The following COL4A2 variants were observed in gnomAD, a reference collection of about 807,000 sequenced individuals.
COL4A2 encodes the protein collagen type IV alpha 2 chain.
Under a neutral mutation model 200.2 loss-of-function variants are expected in COL4A2, and 99 were observed. The observed-to-expected ratio is 0.49, with a 90% CI of 0.42 to 0.58. The LOEUF is 0.58. Among genes scored for constraint, COL4A2 ranks in the 20% least tolerant of loss-of-function variants. The pLI is 0.00. For synonymous variants in COL4A2, 897 were observed against 900.6 expected (o/e 1.00, Z 0.07); for missense variants, 1,950 against 2,314.1 (o/e 0.84, Z 3.23).
At chr13:110,458,643 C>A in intron 21 of COL4A2, 128 bp from the exon 22 acceptor site, 1 of 1,077,750 alleles carries the variant, frequency 9.3e-7, no homozygotes, top group Non-Finnish European at 1.4e-6. Context: ...TCATAGTGCC[C>A]ATCAGAACAG....
intron 20 of COL4A2, among the ~76,000 whole-genome samples, chr13:110,452,932 A>G (rs1881597781): frequency 6.6e-6 from 1 of 151,590 alleles, no homozygotes; most frequent in Non-Finnish European, 1.5e-5. Flanking sequence ...TGCCTGGCTA[A>G]TTTTGTAATT....
Position 110,462,160 on chromosome 13 carries a change from G to C in COL4A2, c.1643G>C (p.Gly548Ala). 1 of 1,614,278 alleles carries C rather than the reference G, an allele frequency of 6.2e-7. No individual in the cohort carries two copies. Residue 548 changes from glycine (G) to alanine (A), a missense_variant, in exon 23 of 48, where the codon GGA (glycine) becomes GCA (alanine). By Grantham distance (60) the Gly-to-Ala change is moderately conservative. Coordinates refer to ENST00000360467, the MANE Select transcript of COL4A2 (RefSeq NM_001846.4). ...IGAPGPKGAK[G>A]DSRTITTKGE... ...GCTCCCGGACCCAAAGGAGCAAAAG[G>C]AGATTCCAGAACAATCACAACCAAA...
At chr13:110,407,262 C>A (rs570672183) in intron 4 of COL4A2, among the ~76,000 whole-genome samples, 1 of 152,220 alleles carries the variant, frequency 6.6e-6, no homozygotes, top group Admixed American at 6.5e-5. Context: ...CTTGGAGAAG[C>A]TCCCGCCTGG....
intron 16 of COL4A2, among the ~76,000 whole-genome samples, chr13:110,443,112 C>A (rs557277106): frequency 6.6e-6 from 1 of 152,282 alleles, no homozygotes; most frequent in East Asian, 1.9e-4. Flanking sequence ...AAGTGGCAGA[C>A]ATGACCTCAG....
intron 4 of COL4A2, among the ~76,000 whole-genome samples, chr13:110,359,035 A>T (rs1412495362): frequency 6.6e-6 from 1 of 152,244 alleles, no homozygotes; most frequent in Non-Finnish European, 1.5e-5. Flanking sequence ...AGAAAAAAGT[A>T]GTTGCATTTA....
In COL4A2 at chr13:110,465,397, T is replaced by G. The variant is rs1882197367; in HGVS notation, c.1777-8T>G. The G allele has an allele frequency of 6.3e-7, 1 of 1,579,160 alleles. No homozygotes were observed. The highest frequency in any genetic ancestry group is 8.5e-7 in the Non-Finnish European group (1 of 1,170,924). On this transcript the variant is annotated splice_polypyrimidine_tract_variant and splice_region_variant and intron_variant, in intron 24 of 47. Coordinates refer to ENST00000360467, the MANE Select transcript of COL4A2 (RefSeq NM_001846.4). ...ATATTTTAAGAAATAAACTGAATTT[T>G]CACACAGGGTGATGGCATCAAGGGC...
chr13:110,472,897 G>A (rs1882532732), intron 28 of COL4A2, 32 bp from the exon 29 acceptor site: 8 of 1,539,654 alleles, frequency 5.2e-6, no homozygotes, highest in South Asian at 1.2e-5. Context: ...ATGCTAACTT[G>A]TGGTTTGGGG....
chr13:110,346,791 G>C (rs989319329), intron 3 of COL4A2, among the ~76,000 whole-genome samples: 1 of 152,188 alleles, frequency 6.6e-6, no homozygotes, highest in Non-Finnish European at 1.5e-5. Flanking sequence ...TCAAGATGAG[G>C]CACATGTGAG....
chr13:110,419,672 G>A (rs759338506), intron 4 of COL4A2, among the ~76,000 whole-genome samples: 2 of 152,182 alleles, frequency 1.3e-5, no homozygotes, highest in Non-Finnish European at 2.9e-5. Context: ...TGGATTTGTT[G>A]CCTTTTCAGA....
chr13:110,348,375 C>A (rs888571568), intron 3 of COL4A2, among the ~76,000 whole-genome samples: 2 of 152,238 alleles, frequency 1.3e-5, no homozygotes, highest in African/African-American at 4.8e-5. Context: ...TGCTGCCCGG[C>A]ATATAGAAGA....
chr13:110,342,884 T>G (rs1309205095), intron 3 of COL4A2, among the ~76,000 whole-genome samples: 1 of 152,158 alleles, frequency 6.6e-6, no homozygotes, highest in African/African-American at 2.4e-5. Flanking sequence ...GAACCCATCT[T>G]CTTGCAAACA....
intron 4 of COL4A2, among the ~76,000 whole-genome samples, chr13:110,404,329 C>T (rs1879485195): frequency 6.6e-6 from 1 of 152,206 alleles, no homozygotes; most frequent in Non-Finnish European, 1.5e-5. Flanking sequence ...CAATACCAGA[C>T]TTATAAAAAT....
At chr13:110,473,414 C>A (rs1594094302) in intron 29 of COL4A2, 1 of 432,192 alleles carries the variant, frequency 2.3e-6, no homozygotes, top group East Asian at 3.9e-5. Context: ...TGTCAAGTTG[C>A]ATATGCCTGG....
At chr13:110,420,344 A>C (rs1432079787) in intron 4 of COL4A2, among the ~76,000 whole-genome samples, 1 of 152,218 alleles carries the variant, frequency 6.6e-6, no homozygotes, top group East Asian at 1.9e-4. Context: ...AAAAGATAGA[A>C]GCAGTTCAAC....
At chr13:110,484,392 C>T (rs528918689) in intron 32 of COL4A2, among the ~76,000 whole-genome samples, 53 of 152,212 alleles carry the variant, frequency 3.5e-4, no homozygotes, top group African/African-American at 1.2e-3. Flanking sequence ...CACAGTTTCC[C>T]GCCCGGCCCG....
chr13:110,509,090 A>G (rs1883984649), intron 47 of COL4A2, among the ~76,000 whole-genome samples: 1 of 151,940 alleles, frequency 6.6e-6, no homozygotes, highest in African/African-American at 2.4e-5. Flanking sequence ...AAGTCTAACC[A>G]TGGTAAATCA....
intron 11 of COL4A2, 54 bp downstream of exon 11, chr13:110,432,414 G>A (rs966803749): frequency 1.9e-6 from 3 of 1,545,032 alleles, no homozygotes; most frequent in Admixed American, 2.2e-5. Flanking sequence ...AGGTGTTTGT[G>A]GGTTTGTTTG....
intron 20 of COL4A2, among the ~76,000 whole-genome samples, chr13:110,451,607 AACTC>A (rs1206271246): frequency 6.6e-6 from 1 of 152,214 alleles, no homozygotes; most frequent in South Asian, 2.1e-4. Context: ...TCTCATGAGA[AACTC>A]ACTCACTATC....
At chr13:110,440,991 A>C (rs894234854) in intron 16 of COL4A2, among the ~76,000 whole-genome samples, 7 of 152,224 alleles carry the variant, frequency 4.6e-5, no homozygotes, top group African/African-American at 1.7e-4. Context: ...AGAGAATGGC[A>C]GTCAATAGGT....
Sources: gnomAD v4.1 joint callset for allele counts (sites outside exome capture counted in the v4.1 genomes callset) on GRCh38, gnomAD v4.1.1 for gene constraint, MANE v1.5 for transcripts, NCBI Gene and HGNC (gene_info 2026-07-23, HGNC 2026-07-21) for gene names.